Variants in NUDCD3 observed in about 807,000 individuals in gnomAD.
NUDCD3 encodes the protein nudC domain-containing protein 3.
Under a neutral mutation model 39.7 loss-of-function variants are expected in NUDCD3, and 13 were observed. That is an observed-to-expected ratio of 0.33 (90% CI 0.21 to 0.52). The LOEUF is 0.52. Ranked by LOEUF, NUDCD3 falls within the 20% of genes least tolerant of loss-of-function variation. The pLI, the probability that NUDCD3 is intolerant of heterozygous loss-of-function variation, is 0.96. For missense variants in NUDCD3, 453 were observed against 458.1 expected (o/e 0.99, Z 0.10); for synonymous variants, 175 against 172.4 (o/e 1.02, Z -0.12).
intron 2 of NUDCD3, among the ~76,000 whole-genome samples, chr7:44,437,500 T>C (rs557440080): frequency 2.3e-4 from 35 of 152,302 alleles, no homozygotes; most frequent in African/African-American, 8.4e-4. Context: ...CTTCTGTATT[T>C]GCCATTTAAA....
At chr7:44,475,437 T>C (rs573848879) in intron 2 of NUDCD3, among the ~76,000 whole-genome samples, 1 of 152,226 alleles carries the variant, frequency 6.6e-6, no homozygotes, top group African/African-American at 2.4e-5. Context: ...TATACATACA[T>C]GTATTTATGT....
At chr7:44,467,746 C>T (rs892049011) in intron 2 of NUDCD3, among the ~76,000 whole-genome samples, 5 of 151,788 alleles carry the variant, frequency 3.3e-5, no homozygotes, top group African/African-American at 1.2e-4. Context: ...TATACTATCT[C>T]ATTTAATCCT....
At chr7:44,430,540 TATAA>T (rs774849044) in intron 2 of NUDCD3, among the ~76,000 whole-genome samples, 1 of 150,090 alleles carries the variant, frequency 6.7e-6, no homozygotes, top group Admixed American at 6.7e-5. Flanking sequence ...TGTGAAAATA[TATAA>T]ATAAAATACC....
intron 3 of NUDCD3, among the ~76,000 whole-genome samples, chr7:44,419,129 G>C (rs554785021): frequency 8.9e-4 from 136 of 152,242 alleles, no homozygotes; most frequent in African/African-American, 3.0e-3. Context: ...GGGAGCCAAG[G>C]GACAATCGAG....
rs1798389944 is a variant in NUDCD3 at position 44,385,712 on chromosome 7, C to A, written c.*299G>T. The A allele has an allele frequency of 7.6e-6, 3 of 392,216 alleles. No homozygotes were observed. The highest frequency in any genetic ancestry group is 9.2e-6 in the Non-Finnish European group (2 of 217,266). 24.3% of individuals were successfully genotyped at this position (392,216 alleles called of 1,614,324 possible). A position where few individuals can be genotyped will look rare whatever the true frequency, so the allele number is the denominator to read the frequency against. ...AGGAAAGACATGCTGCCTGCAGTGG[C>A]TGGTTGCTGTGGAGACAAAAGCATG... On this transcript the variant is annotated 3_prime_UTR_variant, in exon 6 of 6. Transcript: ENST00000355451.
intron 2 of NUDCD3, chr7:44,471,925 T>G (rs1800266299): frequency 6.6e-6 from 1 of 152,322 alleles, no homozygotes; most frequent in African/African-American, 2.4e-5. Context: ...TTGGTGATCT[T>G]ACCCAGTCTA....
intron 2 of NUDCD3, among the ~76,000 whole-genome samples, chr7:44,442,924 G>A (rs553843157): frequency 1.4e-4 from 22 of 151,828 alleles, no homozygotes; most frequent in Non-Finnish European, 2.6e-4. Context: ...GGATGGTCTC[G>A]ATCTCCTGAC....
intron 2 of NUDCD3, among the ~76,000 whole-genome samples, chr7:44,449,477 AAAG>A (rs1585086626): frequency 1.3e-5 from 2 of 152,334 alleles, no homozygotes; most frequent in East Asian, 3.9e-4. Flanking sequence ...AACTGAAGAC[AAAG>A]AAGGAAGGCA....
intron 2 of NUDCD3, among the ~76,000 whole-genome samples, chr7:44,448,186 C>T (rs1446587703): frequency 6.6e-6 from 1 of 152,152 alleles, no homozygotes; most frequent in Non-Finnish European, 1.5e-5. Context: ...TCTCTCATTT[C>T]CTTTGCTGCA....
intron 2 of NUDCD3, among the ~76,000 whole-genome samples, chr7:44,452,492 A>G (rs1349441261): frequency 1.6e-4 from 24 of 152,196 alleles, no homozygotes; most frequent in Non-Finnish European, 5.9e-5. Flanking sequence ...GGACACGCTG[A>G]AGACACAGGC....
intron 2 of NUDCD3, among the ~76,000 whole-genome samples, chr7:44,479,626 A>G (rs1441269452): frequency 6.6e-6 from 1 of 152,192 alleles, no homozygotes; most frequent in African/African-American, 2.4e-5. Context: ...TTTTTGCCTA[A>G]TACTGGTTAG....
intron 4 of NUDCD3, among the ~76,000 whole-genome samples, chr7:44,396,759 A>G (rs991554261): frequency 6.6e-6 from 1 of 152,098 alleles, no homozygotes; most frequent in African/African-American, 2.4e-5. Context: ...CTCAGATATG[A>G]CTTCTGGTAG....
At chr7:44,427,483 C>A in intron 3 of NUDCD3, 88 bp downstream of exon 3, 1 of 1,446,296 alleles carries the variant, frequency 6.9e-7, no homozygotes, top group Non-Finnish European at 9.4e-7. Flanking sequence ...GATCTCAACA[C>A]TCCCTCAAGG....
At chr7:44,389,162 T>C (rs1302958573) in intron 5 of NUDCD3, among the ~76,000 whole-genome samples, 1 of 152,250 alleles carries the variant, frequency 6.6e-6, no homozygotes, top group Non-Finnish European at 1.5e-5. Flanking sequence ...AGTTGCACCC[T>C]ATGATGCTGC....
chr7:44,395,722 C>T (rs1279024961), intron 4 of NUDCD3, among the ~76,000 whole-genome samples: 1 of 152,212 alleles, frequency 6.6e-6, no homozygotes, highest in African/African-American at 2.4e-5. Flanking sequence ...ATGTCCTCCT[C>T]AATGTTCATC....
intron 5 of NUDCD3, among the ~76,000 whole-genome samples, chr7:44,387,081 G>A (rs1346098023): frequency 6.6e-6 from 1 of 152,222 alleles, no homozygotes; most frequent in African/African-American, 2.4e-5. Flanking sequence ...CATAGGCCCA[G>A]AAAACGAGGC....
chr7:44,455,898 C>T (rs1353209595), intron 2 of NUDCD3, among the ~76,000 whole-genome samples: 1 of 148,870 alleles, frequency 6.7e-6, no homozygotes, highest in Non-Finnish European at 1.5e-5. Context: ...TAGTGGCGGG[C>T]GCCTGTAGTC....
At chr7:44,416,976 C>G (rs1035045365) in intron 3 of NUDCD3, among the ~76,000 whole-genome samples, 1 of 152,196 alleles carries the variant, frequency 6.6e-6, no homozygotes, top group Non-Finnish European at 1.5e-5. Context: ...GGGCACCACA[C>G]GAGTGCTGGT....
chr7:44,430,476 C>T (rs1456754991), intron 2 of NUDCD3, among the ~76,000 whole-genome samples: 2 of 151,998 alleles, frequency 1.3e-5, no homozygotes, highest in Non-Finnish European at 2.9e-5. Context: ...AAACTGGAGA[C>T]TTCTCTTCAT....
Sources: allele counts gnomAD v4.1 joint callset (sites outside exome capture counted in the v4.1 genomes callset), GRCh38; gene constraint gnomAD v4.1.1; transcripts MANE v1.5; gene names NCBI Gene and HGNC (gene_info 2026-07-23, HGNC 2026-07-21).